HDC: variants seen among roughly 807,000 people sequenced by gnomAD.
HDC encodes histidine decarboxylase.
Under a neutral mutation model 64.4 loss-of-function variants are expected in HDC, and 27 were observed. The ratio of observed to expected loss-of-function variants is 0.42; its 90% CI spans 0.31 to 0.58. The LOEUF (loss-of-function observed/expected upper bound fraction) is 0.58, where lower values mean the gene tolerates loss of function less well. Ranked by LOEUF, HDC falls within the 20% of genes least tolerant of loss-of-function variation. The pLI is 0.16. For synonymous variants in HDC, 305 were observed against 314.2 expected, an observed-to-expected ratio of 0.97 and a Z score of 0.31; for missense variants, 711 against 833.9, an observed-to-expected ratio of 0.85 and a Z score of 1.81.
At chr15:50,262,759 C>G (rs965444948) in intron 2 of HDC, among the ~76,000 whole-genome samples, 4 of 152,216 alleles carry the variant, frequency 2.6e-5, no homozygotes, top group African/African-American at 9.6e-5. Context: ...CGTGTCCTTG[C>G]CAGGATGTGT....
rs1296524634 is a variant in HDC at position 50,242,906 on chromosome 15, A to G, written c.1343T>C (p.Phe448Ser). 6.2e-7 allele frequency: 1 copy of G among 1,614,168 alleles called. No homozygotes were observed. Among genetic ancestry groups the G allele is most frequent in the Admixed American group, 1.7e-5 (1 of 60,028 alleles). The change falls in exon 12 of 12, where the codon TTC becomes TCC. Residue 448 changes from phenylalanine (F) to serine (S), a missense_variant. This residue lies in a region of HDC where 483 missense variants were observed against 540.9 expected (regional missense o/e 0.89). Transcript: ENST00000267845. ...ATIQDKLIIR[F>S]TVTSQFTTRD... The stretch of plus-strand genomic sequence containing the variant: ...AGTGGTAAACTGGGATGTCACAGTG[A>G]AACGGATGATTAACTTGTCCTGGAT...
intron 9 of HDC, among the ~76,000 whole-genome samples, chr15:50,249,475 C>T (rs2045525743): frequency 6.6e-6 from 1 of 152,224 alleles, no homozygotes; most frequent in African/African-American, 2.4e-5. Flanking sequence ...GTTTCCTGAG[C>T]CAGGCACAGT....
At chr15:50,263,478 C>T in intron 1 of HDC, 71 bp from the exon 2 acceptor site, 3 of 1,437,912 alleles carry the variant, frequency 2.1e-6, no homozygotes, top group Non-Finnish European at 2.9e-6. Context: ...CCATCCCTCT[C>T]AGGTCCGGGC....
At chr15:50,255,374 A>G (rs936602241) in intron 4 of HDC, among the ~76,000 whole-genome samples, 5 of 152,192 alleles carry the variant, frequency 3.3e-5, no homozygotes, top group Admixed American at 6.5e-5. Context: ...CAAGTGACCT[A>G]CAGCTGATAG....
In HDC at chr15:50,242,648, AT is replaced by A. The variant is rs2045414260; in HGVS notation, c.1600del (p.Met534Ter). On this transcript the variant is annotated frameshift_variant, in exon 12 of 12. Transcript: ENST00000267845. LOFTEE classifies it high-confidence loss of function. ...AAGATGGAGGCCATTTTCCCTTTTC[AT>A]GGGACCGGCTCCCACACGCTGAGGC... is the stretch of plus-strand genomic sequence containing the variant. ...KQPQRVGAGP[M>X]KRENGLHLET... 1 of 1,613,996 alleles carries A rather than the reference AT, an allele frequency of 6.2e-7. No homozygotes were observed. Among genetic ancestry groups the A allele is most frequent in the South Asian group, 1.1e-5 (1 of 91,082 alleles).
chr15:50,262,534 C>T (rs1450492431), intron 2 of HDC, among the ~76,000 whole-genome samples: 1 of 152,192 alleles, frequency 6.6e-6, no homozygotes, highest in African/African-American at 2.4e-5. Flanking sequence ...TCAAGGCAGG[C>T]TCCAGCTCAA....
intron 1 of HDC, among the ~76,000 whole-genome samples, chr15:50,265,092 G>A (rs2045750192): frequency 6.6e-6 from 1 of 152,110 alleles, no homozygotes; most frequent in East Asian, 1.9e-4. Flanking sequence ...CCTGAGAACT[G>A]GATAACCACT....
At position 50,248,332 on chromosome 15, in the gene HDC, G is replaced by A; in HGVS notation, c.1053C>T (p.Ile351=). 6.2e-7 allele frequency: 1 copy of A among 1,613,370 alleles called. No individual in the cohort carries two copies. Among genetic ancestry groups the A allele is most frequent in the Non-Finnish European group, 8.5e-7 (1 of 1,179,320 alleles). ...CAGAGCGAAACCGTCGGCTCAGGGGGATCTGCCAGTGCTAGAAACAAAGGA... is the reference window on the plus strand; with the variant it reads ...CAGAGCGAAACCGTCGGCTCAGGGGAATCTGCCAGTGCTAGAAACAAAGGA... ...GVATDFMHWQ[I]PLSRRFRSVK... Residue 351 remains isoleucine, a synonymous_variant, in exon 10 of 12, where the codon ATC becomes ATT. Coordinates refer to ENST00000267845, the MANE Select transcript of HDC (RefSeq NM_002112.4). The surrounding 1 kb of genome is among the most constrained non-coding windows in gnomAD (Gnocchi z 4.3).
chr15:50,258,436 C>T lies in HDC; in HGVS notation c.286G>A (p.Ala96Thr). 6.2e-7 allele frequency: 1 copy of T among 1,613,442 alleles called. No individual in the cohort carries two copies. Among genetic ancestry groups the T allele is most frequent in the Non-Finnish European group, 8.5e-7 (1 of 1,179,468 alleles). ...AATCCCAAGCAGTTGATGGCATCAG[C>T]CAGCATGTCTCCTAGCAGGGAGGGC... ...SWPSLLGDML[A>T]DAINCLGFTW... is the part of the protein sequence containing the mutation. The change falls in exon 3 of 12, where the codon GCT (alanine) becomes ACT (threonine). Residue 96 changes from alanine (A) to threonine (T), a missense_variant. Ala to Thr is a moderately conservative substitution (Grantham distance 58, BLOSUM62 0). Transcript: ENST00000267845.
rs2045570714 is a variant in HDC, at chr15:50,252,532, C to T, written c.951-12G>A. The stretch of plus-strand genomic sequence containing the variant: ...ACTTGTCCTTGACCCTGTGGGTTTC[C>T]AAATGGGCATTAGTGGCTGAGGTCT... On this transcript the variant is annotated splice_polypyrimidine_tract_variant and intron_variant, in intron 8 of 11. Coordinates refer to ENST00000267845, the MANE Select transcript of HDC (RefSeq NM_002112.4). The T allele has an allele frequency of 3.1e-6, 5 of 1,614,050 alleles. No homozygotes were observed. The Admixed American group carries it at 5.0e-5, about 16-fold the overall frequency.
chr15:50,261,804 G>A (rs1190343822), intron 2 of HDC, among the ~76,000 whole-genome samples: 10 of 151,698 alleles, frequency 6.6e-5, no homozygotes, highest in African/African-American at 1.7e-4. Context: ...CCGCCTCCCG[G>A]GTTCAAGCGA....
chr15:50,251,339 A>G (rs2045551416), intron 9 of HDC, among the ~76,000 whole-genome samples: 1 of 152,108 alleles, frequency 6.6e-6, no homozygotes, highest in South Asian at 2.1e-4. Flanking sequence ...CACTTGCCAC[A>G]CGGCTATTTT....
chr15:50,254,782 GTGTA>G, intron 4 of HDC, 118 bp from the exon 5 acceptor site: 1 of 934,514 alleles, frequency 1.1e-6, no homozygotes, highest in Non-Finnish European at 1.6e-6. Flanking sequence ...CTCTCTGTGT[GTGTA>G]TGTGTTTGTG....
In HDC at chr15:50,254,542, A is replaced by G. The variant is rs778888165; in HGVS notation, c.564T>C (p.Tyr188=). The change falls in exon 5 of 12, where the codon TAT becomes TAC. Residue 188 remains tyrosine, a synonymous_variant. Transcript: ENST00000267845. The stretch of plus-strand genomic sequence containing the variant: ...TCGGGCAACTCACCTGGTCAGAGGC[A>G]TAGGCCACGAGTCGGGCATTTAGGC... The part of the protein sequence containing the change: ...ESCLNARLVA[Y]ASDQAHSSVE... 1 of 1,614,248 alleles carries G rather than the reference A, an allele frequency of 6.2e-7. No individual in the cohort carries two copies. Among genetic ancestry groups the G allele is most frequent in the South Asian group, 1.1e-5 (1 of 91,084 alleles).
rs765914218 is a variant in HDC, at chr15:50,243,274, A to T, written c.1141-30T>A. On this transcript the variant is annotated intron_variant, in intron 10 of 11. Transcript: ENST00000267845. ...AATTGCAAGTATAAAGAGAACTGAG[A>T]TTAATCATCAGACAAGAGACTATGC... is the stretch of plus-strand genomic sequence containing the variant. 4.4e-6 allele frequency: 6 copies of T among 1,368,512 alleles called. No homozygotes were observed. The Admixed American group carries it at 1.0e-4, about 23-fold the overall frequency. The allele number at this position is 1,368,512 out of a possible 1,614,324, so 84.8% of individuals were successfully genotyped here.
At chr15:50,257,717 G>A (rs1430806556) in intron 3 of HDC, among the ~76,000 whole-genome samples, 170 bp from the exon 4 acceptor site, 1 of 152,220 alleles carries the variant, frequency 6.6e-6, no homozygotes. Context: ...AACCAAAAGA[G>A]AAAATAATGT....
chr15:50,251,002 A>G (rs923482254), intron 9 of HDC, among the ~76,000 whole-genome samples: 2 of 152,240 alleles, frequency 1.3e-5, no homozygotes, highest in Non-Finnish European at 2.9e-5. Flanking sequence ...GTTGTCCAAG[A>G]AGATAAGATA....
chr15:50,263,758 C>A lies in HDC; in HGVS notation c.32-351G>T, dbSNP rs140316279. On this transcript the variant is annotated intron_variant, in intron 1 of 11. Coordinates refer to ENST00000267845, the MANE Select transcript of HDC (RefSeq NM_002112.4). The stretch of plus-strand genomic sequence containing the variant: ...GAGGTTGCAGTGAGCCGAGATCGTG[C>A]CACTGCACTCCAGCCTGGACTCAAA... 7.1e-3 allele frequency among the ~76,000 whole-genome samples: 1,074 copies of A among 152,178 alleles called. 17 individuals are homozygous for A. Among genetic ancestry groups the A allele is most frequent in the African/African-American group, 0.025 (1,017 of 41,506 alleles).
Position 50,243,213 on chromosome 15 carries a change from A to G in HDC, c.1172T>C (p.Leu391Pro), listed in dbSNP as rs1350044701. 6.2e-7 allele frequency: 1 copy of G among 1,613,764 alleles called. No individual in the cohort carries two copies. Among genetic ancestry groups the G allele is most frequent in the Non-Finnish European group, 8.5e-7 (1 of 1,179,596 alleles). The change falls in exon 11 of 12, where the codon CTG becomes CCG. Residue 391 changes from leucine to proline, a missense_variant. Leu to Pro is a moderately conservative substitution (Grantham distance 98). This residue lies in a region of HDC where 483 missense variants were observed against 540.9 expected (regional missense o/e 0.89). Coordinates refer to ENST00000267845, the MANE Select transcript of HDC (RefSeq NM_002112.4). Reference sequence around the variant, plus strand: ...TTCAAAGGAAGGGTCGTTTCTGACCAGAGATTCAAAATATTTAGCCATTTC... The same window carrying G: ...TTCAAAGGAAGGGTCGTTTCTGACCGGAGATTCAAAATATTTAGCCATTTC... ...GTEMAKYFESLVRNDPSFEIP... is the reference protein window; with the variant it reads ...GTEMAKYFESPVRNDPSFEIP...
Sources: allele counts gnomAD v4.1 joint callset (sites outside exome capture counted in the v4.1 genomes callset), GRCh38; gene constraint gnomAD v4.1.1; regional missense constraint gnomAD v4.1.1; non-coding constraint Gnocchi (gnomAD v3.1); transcripts MANE v1.5; gene names NCBI Gene and HGNC (gene_info 2026-07-23, HGNC 2026-07-21).